Variants in PDE1C observed in about 807,000 individuals in gnomAD.
PDE1C encodes phosphodiesterase 1C, also known as dual specificity calcium/calmodulin-dependent 3',5'-cyclic nucleotide phosphodiesterase 1C.
PDE1C carries 62 observed loss-of-function variants against 93.1 expected under a neutral mutation model. The ratio of observed to expected loss-of-function variants is 0.67; its 90% confidence interval spans 0.54 to 0.82. PDE1C has a LOEUF of 0.82. PDE1C is among the 40% of genes least tolerant of loss of function. The probability of loss-of-function intolerance (pLI) is 0.00; values close to 1 mark genes in which losing one functional copy is unlikely to be tolerated. For synonymous variants in PDE1C, 325 were observed against 310.1 expected (o/e 1.05, Z -0.50); for missense variants, 742 against 884.6 (o/e 0.84, Z 2.04).
chr7:32,338,752 C>T (rs1783679639), intron 1 of PDE1C, among the ~76,000 whole-genome samples: 1 of 152,122 alleles, frequency 6.6e-6, no homozygotes, highest in Non-Finnish European at 1.5e-5. Flanking sequence ...GCCTGTAATC[C>T]CAGCACTTTG....
At chr7:31,684,077 G>T in the PDE1C span, among the ~76,000 whole-genome samples, 1 of 152,096 alleles carries the variant, frequency 6.6e-6, no homozygotes, top group Non-Finnish European at 1.5e-5. Context: ...ACTCTCCAAG[G>T]TATAGATTTA....
intron 1 of PDE1C, among the ~76,000 whole-genome samples, chr7:32,273,990 T>C (rs560527360): frequency 6.6e-6 from 1 of 152,134 alleles, no homozygotes; most frequent in African/African-American, 2.4e-5. Context: ...ATTACAAAAG[T>C]GGAGAATGGA....
At chr7:32,103,697 A>G (rs1022006063) in intron 3 of PDE1C, among the ~76,000 whole-genome samples, 2 of 152,240 alleles carry the variant, frequency 1.3e-5, no homozygotes, top group African/African-American at 2.4e-5. Flanking sequence ...ATTGTCATGC[A>G]TTTAAGAAAA....
At chr7:31,999,627 T>A (rs1785200866) in intron 2 of PDE1C, among the ~76,000 whole-genome samples, 1 of 152,048 alleles carries the variant, frequency 6.6e-6, no homozygotes, top group Admixed American at 6.5e-5. Flanking sequence ...AGCCATAGAG[T>A]AAAAGGCACT....
chr7:32,102,759 A>C (rs1320698802), intron 3 of PDE1C, among the ~76,000 whole-genome samples: 1 of 152,190 alleles, frequency 6.6e-6, no homozygotes, highest in Non-Finnish European at 1.5e-5. Flanking sequence ...TCTCCTGGAG[A>C]CTAATGGCAG....
chr7:31,713,813 C>A, the PDE1C span, among the ~76,000 whole-genome samples: 9 of 152,180 alleles, frequency 5.9e-5, no homozygotes. Flanking sequence ...TGTATCTTGG[C>A]CCTTTTTAAT....
chr7:32,051,871 G>A (rs1793427178), intron 1 of PDE1C, among the ~76,000 whole-genome samples: 1 of 152,090 alleles, frequency 6.6e-6, no homozygotes, highest in Non-Finnish European at 1.5e-5. Context: ...TTTAGTTGAG[G>A]TCAGGCTTTA....
chr7:31,807,723 A>G (rs1032925433), intron 16 of PDE1C, among the ~76,000 whole-genome samples: 2 of 151,846 alleles, frequency 1.3e-5, no homozygotes, highest in African/African-American at 4.8e-5. Context: ...TCCACTGTAC[A>G]TTTTCTGGCT....
intron 3 of PDE1C, among the ~76,000 whole-genome samples, chr7:32,115,769 G>A (rs986037395): frequency 6.6e-6 from 1 of 152,100 alleles, no homozygotes; most frequent in Non-Finnish European, 1.5e-5. Flanking sequence ...CAATTCCTTT[G>A]CCCTTTTAGC....
At chr7:31,735,860 T>C in the PDE1C span, among the ~76,000 whole-genome samples, 1 of 152,180 alleles carries the variant, frequency 6.6e-6, no homozygotes, top group Admixed American at 6.5e-5. Context: ...TTTCAGGACC[T>C]CCTCCTCATA....
chr7:31,991,691 AG>A (rs1784158925), intron 2 of PDE1C, among the ~76,000 whole-genome samples: 1 of 152,158 alleles, frequency 6.6e-6, no homozygotes, highest in South Asian at 2.1e-4. Context: ...CCTCTGTTGT[AG>A]GGTTGAAGAA....
intron 2 of PDE1C, among the ~76,000 whole-genome samples, chr7:32,184,445 A>G (rs1803695375): frequency 6.6e-6 from 1 of 152,230 alleles, no homozygotes; most frequent in Non-Finnish European, 1.5e-5. Flanking sequence ...TGTGGCACAT[A>G]TACACCATGG....
intron 1 of PDE1C, among the ~76,000 whole-genome samples, chr7:32,395,238 C>T (rs1172587974): frequency 1.3e-5 from 2 of 152,130 alleles, no homozygotes; most frequent in Non-Finnish European, 1.5e-5. Flanking sequence ...ACATGTAAAA[C>T]ACATACCTCA....
chr7:31,616,780 GTTTCTAAA>G, the PDE1C span, among the ~76,000 whole-genome samples: 10 of 147,726 alleles, frequency 6.8e-5, no homozygotes, highest in African/African-American at 2.6e-4. Flanking sequence ...AACCAAAAAG[GTTTCTAAA>G]TTTCATTTTT....
At chr7:32,426,929 G>T (rs192241046) in intron 1 of PDE1C, among the ~76,000 whole-genome samples, 4 of 152,326 alleles carry the variant, frequency 2.6e-5, no homozygotes, top group Middle Eastern at 3.4e-3. Flanking sequence ...GGGGTGAAGT[G>T]AGGATTCATG....
At chr7:32,025,369 T>A (rs1160177283) in intron 2 of PDE1C, among the ~76,000 whole-genome samples, 2 of 149,806 alleles carry the variant, frequency 1.3e-5, no homozygotes, top group Non-Finnish European at 3.0e-5. Flanking sequence ...CGAGCTGGAG[T>A]GGGAGTTGAG....
intron 1 of PDE1C, among the ~76,000 whole-genome samples, chr7:32,237,247 C>T (rs12701196): frequency 0.11 from 16,887 of 151,842 alleles, 1,019 homozygotes; most frequent in African/African-American, 0.14. Context: ...CCACCACGCC[C>T]GGCTAATTTT....
At chr7:32,155,564 A>G (rs1801517432) in intron 3 of PDE1C, among the ~76,000 whole-genome samples, 1 of 152,172 alleles carries the variant, frequency 6.6e-6, no homozygotes, top group South Asian at 2.1e-4. Flanking sequence ...AACCCAGAAA[A>G]GGTTAATTCC....
At chr7:31,873,488 G>A (rs1008731550) in intron 5 of PDE1C, 80 bp from the exon 6 acceptor site, 13 of 813,486 alleles carry the variant, frequency 1.6e-5, no homozygotes, top group Middle Eastern at 2.3e-4. Context: ...TTTCAAGTCC[G>A]CCTGCAGCCC....
Sources: gnomAD v4.1 joint callset for allele counts (sites outside exome capture counted in the v4.1 genomes callset) on GRCh38, gnomAD v4.1.1 for gene constraint, MANE v1.5 for transcripts, NCBI Gene and HGNC (gene_info 2026-07-23, HGNC 2026-07-21) for gene names.